Variants in RANBP2 observed in about 807,000 individuals in gnomAD.
RANBP2 encodes E3 SUMO-protein ligase RanBP2.
Under a neutral mutation model 303.6 loss-of-function variants are expected in RANBP2, and 57 were observed. The ratio of observed to expected loss-of-function variants is 0.19; its 90% confidence interval spans 0.15 to 0.23. The LOEUF (loss-of-function observed/expected upper bound fraction) is 0.23, where lower values mean the gene tolerates loss of function less well. Among genes scored for constraint, RANBP2 ranks in the 10% least tolerant of loss-of-function variants. The probability of loss-of-function intolerance (pLI) is 1.00; values close to 1 mark genes in which losing one functional copy is unlikely to be tolerated. For missense variants in RANBP2, 3,138 were observed against 3,780.8 expected (o/e 0.83, Z 4.46); for synonymous variants, 1,167 against 1,301.5 (o/e 0.90, Z 2.23).
At chr2:109,691,394 G>C in the RANBP2 span, among the ~76,000 whole-genome samples, 1 of 152,152 alleles carries the variant, frequency 6.6e-6, no homozygotes, top group Middle Eastern at 3.2e-3. Flanking sequence ...CATAAGGCTG[G>C]GTTGGACCGG....
At chr2:108,788,292 C>T (rs1385743320), downstream of RANBP2, among the ~76,000 whole-genome samples, 2 of 152,006 alleles carry the variant, frequency 1.3e-5, no homozygotes, top group African/African-American at 4.8e-5. Flanking sequence ...TGGTGGCGGG[C>T]GCCTGTAATC....
At chr2:108,839,402 C>A in the RANBP2 span, 2 of 977,570 alleles carry the variant, frequency 2.0e-6, no homozygotes, top group South Asian at 2.1e-5. Context: ...CTCTGTATTT[C>A]AGAATAATCT....
chr2:108,896,717 C>T, the RANBP2 span: 11 of 619,154 alleles, frequency 1.8e-5, no homozygotes, highest in South Asian at 2.2e-4. Flanking sequence ...AGTATCCCGG[C>T]TCTAGTCCTT....
At chr2:108,812,744 G>A in the RANBP2 span, 1 of 1,609,186 alleles carries the variant, frequency 6.2e-7, no homozygotes, top group Non-Finnish European at 8.5e-7. Context: ...ACAGAAGTAT[G>A]TTTTTAGATG....
the RANBP2 span, among the ~76,000 whole-genome samples, chr2:109,026,937 A>C: frequency 6.6e-6 from 1 of 152,120 alleles, no homozygotes; most frequent in Non-Finnish European, 1.5e-5. Flanking sequence ...GTCTCAAAAA[A>C]TAAAAAAGAA....
the RANBP2 span, among the ~76,000 whole-genome samples, chr2:108,869,387 A>C: frequency 1.3e-5 from 2 of 152,176 alleles, no homozygotes; most frequent in African/African-American, 4.8e-5. Context: ...GAAGGATTCA[A>C]GCAGGACTAG....
intron 6 of RANBP2, among the ~76,000 whole-genome samples, chr2:108,737,559 T>TC (rs1695700912): frequency 6.7e-6 from 1 of 148,618 alleles, no homozygotes; most frequent in East Asian, 2.0e-4. Context: ...CTCTTTTTTT[T>TC]TTTTTTTTTT....
the RANBP2 span, chr2:108,812,806 A>G: frequency 0.014 from 21,968 of 1,612,508 alleles, 2,389 homozygotes; most frequent in African/African-American, 0.24. Context: ...ATTCACGCAT[A>G]TATACTGTTG....
At chr2:109,142,051 G>GT in the RANBP2 span, among the ~76,000 whole-genome samples, 1 of 151,540 alleles carries the variant, frequency 6.6e-6, no homozygotes, top group Non-Finnish European at 1.5e-5. Context: ...CCTGGGGGGG[G>GT]GGTCTCAGGT....
chr2:109,704,594 A>T, the RANBP2 span, among the ~76,000 whole-genome samples: 4,374 of 152,120 alleles, frequency 0.029, 219 homozygotes, highest in African/African-American at 0.097. Context: ...TCAGGCCTGT[A>T]ATCCCAGCAC....
At chr2:109,037,323 C>CA in the RANBP2 span, among the ~76,000 whole-genome samples, 8,169 of 53,438 alleles carry the variant, frequency 0.15, 639 homozygotes, top group African/African-American at 0.27. Flanking sequence ...GACCATGTCT[C>CA]AAAAAAAAAA....
chr2:109,317,772 T>A, the RANBP2 span, among the ~76,000 whole-genome samples: 1 of 152,162 alleles, frequency 6.6e-6, no homozygotes, highest in Non-Finnish European at 1.5e-5. Flanking sequence ...CGTGAGTGCC[T>A]TTGTAGTGTC....
chr2:109,473,184 G>A, the RANBP2 span, among the ~76,000 whole-genome samples: 16 of 152,110 alleles, frequency 1.1e-4, no homozygotes, highest in Admixed American at 5.2e-4. Flanking sequence ...TTTTCCCAGG[G>A]AAGCGGCTTC....
chr2:109,115,179 TATCC>T, the RANBP2 span, among the ~76,000 whole-genome samples: 1 of 151,904 alleles, frequency 6.6e-6, no homozygotes, highest in Non-Finnish European at 1.5e-5. Context: ...AATTCCCGGG[TATCC>T]TTGTTAACTT....
the RANBP2 span, among the ~76,000 whole-genome samples, chr2:109,565,343 T>C: frequency 1.3e-5 from 2 of 152,186 alleles, no homozygotes; most frequent in African/African-American, 4.8e-5. Flanking sequence ...ATAATCTAAA[T>C]GTCAAGTAGA....
chr2:109,684,998 C>T, the RANBP2 span, among the ~76,000 whole-genome samples: 6 of 151,596 alleles, frequency 4.0e-5, no homozygotes, highest in Non-Finnish European at 5.9e-5. Context: ...CTCAGCCTCC[C>T]GAGTAGCTAG....
chr2:108,770,908 A>G (rs1344440621), intron 20 of RANBP2, among the ~76,000 whole-genome samples: 2 of 152,144 alleles, frequency 1.3e-5, no homozygotes, highest in African/African-American at 2.4e-5. Context: ...CTAGGCTACC[A>G]TATTGGACAC....
At chr2:109,419,488 T>C in the RANBP2 span, 10,024 of 1,531,780 alleles carry the variant, frequency 6.5e-3, 59 homozygotes, top group Non-Finnish European at 7.8e-3. Flanking sequence ...TCTCTTTCCC[T>C]TGGATGGAGT....
chr2:109,256,061 CTG>C, the RANBP2 span, among the ~76,000 whole-genome samples: 1 of 152,144 alleles, frequency 6.6e-6, no homozygotes, highest in African/African-American at 2.4e-5. Context: ...AAATGTAAGC[CTG>C]TATGTGCTTC....
Sources: gnomAD v4.1 joint callset for allele counts (sites outside exome capture counted in the v4.1 genomes callset) on GRCh38, gnomAD v4.1.1 for gene constraint, MANE v1.5 for transcripts, NCBI Gene and HGNC (gene_info 2026-07-23, HGNC 2026-07-21) for gene names.